The following PLCB1 variants were observed in gnomAD, a reference collection of about 807,000 sequenced individuals.
The protein encoded by PLCB1 is phospholipase C beta 1, also known as 1-phosphatidylinositol 4,5-bisphosphate phosphodiesterase beta-1.
A neutral mutation model predicts 161.8 loss-of-function variants in PLCB1; 46 were observed. That is an observed-to-expected ratio of 0.28 (90% CI 0.22 to 0.36). The LOEUF is 0.36. PLCB1 is among the 10% of genes least tolerant of loss of function. The probability of loss-of-function intolerance (pLI) is 1.00; values close to 1 mark genes in which losing one functional copy is unlikely to be tolerated. For missense variants in PLCB1, 1,016 were observed against 1,472.5 expected (o/e 0.69, Z 5.07); for synonymous variants, 517 against 503.7 (o/e 1.03, Z -0.35).
At chr20:8,632,304 A>T (rs1988626772) in intron 4 of PLCB1, among the ~76,000 whole-genome samples, 1 of 152,082 alleles carries the variant, frequency 6.6e-6, no homozygotes, top group Non-Finnish European at 1.5e-5. Flanking sequence ...AAGCCCGTTG[A>T]CAGTTTGGGT....
At chr20:8,650,900 C>T (rs963857616) in intron 7 of PLCB1, among the ~76,000 whole-genome samples, 5 of 152,094 alleles carry the variant, frequency 3.3e-5, no homozygotes, top group East Asian at 1.9e-4. Context: ...TTTGCTCATA[C>T]GGTGGTAAAG....
chr20:8,164,650 T>A (rs1265839701), intron 2 of PLCB1, among the ~76,000 whole-genome samples: 1 of 152,184 alleles, frequency 6.6e-6, no homozygotes, highest in Non-Finnish European at 1.5e-5. Context: ...AAAGAAACTT[T>A]CCTTCTTTTT....
At chr20:8,280,260 T>C (rs1422026998) in intron 2 of PLCB1, among the ~76,000 whole-genome samples, 1 of 150,860 alleles carries the variant, frequency 6.6e-6, no homozygotes, top group Non-Finnish European at 1.5e-5. Context: ...TGCTTGAACC[T>C]GGAGGCAGAG....
intron 3 of PLCB1, among the ~76,000 whole-genome samples, chr20:8,372,328 G>A (rs1014532829): frequency 6.6e-6 from 1 of 152,008 alleles, no homozygotes; most frequent in Non-Finnish European, 1.5e-5. Context: ...ACATTAAAAT[G>A]ATCTGTTGCT....
intron 2 of PLCB1, among the ~76,000 whole-genome samples, chr20:8,160,650 C>A (rs1004837455): frequency 1.3e-5 from 2 of 152,144 alleles, no homozygotes; most frequent in African/African-American, 4.8e-5. Flanking sequence ...CCCATGATTC[C>A]ATTACCTCCC....
chr20:8,480,522 TA>T (rs1294647753), intron 3 of PLCB1, among the ~76,000 whole-genome samples: 1 of 152,178 alleles, frequency 6.6e-6, no homozygotes, highest in Non-Finnish European at 1.5e-5. Flanking sequence ...TTGCCTAGTG[TA>T]GCCAGATTAC....
In PLCB1 at chr20:8,319,419, G is replaced by A. The variant is rs368544460; in HGVS notation, c.178-51963G>A. Among the ~76,000 whole-genome samples, 4 of 152,034 alleles carry A rather than the reference G, an allele frequency of 2.6e-5. No homozygotes were observed. The East Asian group carries it at 7.7e-4, about 29-fold the overall frequency. ...TCATCCAGAAGGCTAGCCCAAGATTGTTCACATGGTCGCTGGGCAGGGCTC... is the reference window on the plus strand; with the variant it reads ...TCATCCAGAAGGCTAGCCCAAGATTATTCACATGGTCGCTGGGCAGGGCTC... On this transcript the variant is annotated intron_variant, in intron 2 of 31. Coordinates refer to ENST00000338037, the MANE Select transcript of PLCB1 (RefSeq NM_015192.4).
At chr20:8,236,176 A>G in intron 2 of PLCB1, among the ~76,000 whole-genome samples, 1 of 152,154 alleles carries the variant, frequency 6.6e-6, no homozygotes, top group East Asian at 1.9e-4. Flanking sequence ...ATAGCACTCT[A>G]TTGATATGGA....
intron 10 of PLCB1, among the ~76,000 whole-genome samples, chr20:8,692,074 T>C (rs1990491716): frequency 6.6e-6 from 1 of 152,160 alleles, no homozygotes. Context: ...AAGCAATCTA[T>C]CTCCGGACAG....
intron 2 of PLCB1, among the ~76,000 whole-genome samples, chr20:8,171,851 A>T (rs1198316718): frequency 1.3e-5 from 2 of 152,188 alleles, no homozygotes; most frequent in East Asian, 3.8e-4. Flanking sequence ...TGTAAAGTCC[A>T]TGCAAGCCAG....
intron 2 of PLCB1, among the ~76,000 whole-genome samples, chr20:8,254,450 C>T (rs976672674): frequency 1.3e-5 from 2 of 151,802 alleles, no homozygotes; most frequent in Admixed American, 6.6e-5. Flanking sequence ...TGTATCTTCC[C>T]CAAACATTGT....
At chr20:8,797,869 T>A (rs1408719781) in intron 31 of PLCB1, among the ~76,000 whole-genome samples, 6 of 152,324 alleles carry the variant, frequency 3.9e-5, no homozygotes, top group African/African-American at 1.4e-4. Context: ...ACCCTGATCA[T>A]TAAGTTGTTG....
chr20:8,747,294 C>T (rs1043782931), intron 23 of PLCB1, among the ~76,000 whole-genome samples: 1 of 152,170 alleles, frequency 6.6e-6, no homozygotes, highest in Non-Finnish European at 1.5e-5. Flanking sequence ...AAATACATAT[C>T]CCTCAACTTG....
intron 3 of PLCB1, among the ~76,000 whole-genome samples, chr20:8,500,186 G>T (rs1167347114): frequency 6.6e-6 from 1 of 152,126 alleles, no homozygotes; most frequent in Non-Finnish European, 1.5e-5. Context: ...TATCAAATCA[G>T]TCCATGAGGT....
At chr20:8,314,840 A>C (rs750498738) in intron 2 of PLCB1, among the ~76,000 whole-genome samples, 2 of 152,186 alleles carry the variant, frequency 1.3e-5, no homozygotes, top group African/African-American at 2.4e-5. Context: ...GAGCTAGGCT[A>C]TTCCTATGAT....
At chr20:8,617,765 C>T (rs1032735874) in intron 3 of PLCB1, among the ~76,000 whole-genome samples, 2 of 152,070 alleles carry the variant, frequency 1.3e-5, no homozygotes, top group African/African-American at 4.8e-5. Context: ...ATCTTCCAAT[C>T]GTCTAAACCA....
At chr20:8,733,754 C>T (rs1381242150) in intron 19 of PLCB1, among the ~76,000 whole-genome samples, 9 of 148,520 alleles carry the variant, frequency 6.1e-5, no homozygotes, top group Non-Finnish European at 3.0e-5. Context: ...CTAACCTGCA[C>T]ATTGTGCGCA....
At chr20:8,457,714 GCA>G (rs145581916) in intron 3 of PLCB1, among the ~76,000 whole-genome samples, 7,133 of 145,622 alleles carry the variant, frequency 0.049, 299 homozygotes, top group African/African-American at 0.12. Flanking sequence ...ATGTGTGCGC[GCA>G]CACACACACA....
chr20:8,688,960 A>T (rs1046517739), intron 10 of PLCB1, among the ~76,000 whole-genome samples: 8 of 152,158 alleles, frequency 5.3e-5, no homozygotes, highest in Non-Finnish European at 8.8e-5. Flanking sequence ...CACAATATTG[A>T]TTCTACCCAT....
Sources: gnomAD v4.1 joint callset for allele counts (sites outside exome capture counted in the v4.1 genomes callset) on GRCh38, gnomAD v4.1.1 for gene constraint, MANE v1.5 for transcripts, NCBI Gene and HGNC (gene_info 2026-07-23, HGNC 2026-07-21) for gene names.